RPP30: variants seen among roughly 807,000 people sequenced by gnomAD.
The protein encoded by RPP30 is ribonuclease P protein subunit p30.
A neutral mutation model predicts 38.6 loss-of-function variants in RPP30; 36 were observed. That is an observed-to-expected ratio of 0.93 (90% CI 0.71 to 1.23). The LOEUF is 1.23. RPP30 is among the 50% of genes most tolerant of loss of function. The pLI, the probability that RPP30 is intolerant of heterozygous loss-of-function variation, is 0.00. For missense variants in RPP30, 321 were observed against 321.7 expected (o/e 1.00, Z 0.02); for synonymous variants, 126 against 112.7 (o/e 1.12, Z -0.75).
At chr10:90,902,371 CCA>C (rs1347360678), downstream of RPP30, 2 of 369,662 alleles carry the variant, frequency 5.4e-6, no homozygotes, top group African/African-American at 4.4e-5. Context: ...GCATGCACCA[CCA>C]CATCCCAGCT....
At chr10:90,876,494 G>C (rs1206819995) in intron 4 of RPP30, among the ~76,000 whole-genome samples, 1 of 152,176 alleles carries the variant, frequency 6.6e-6, no homozygotes, top group Non-Finnish European at 1.5e-5. Flanking sequence ...TAGGGAAGTG[G>C]TAAATAAAGG....
chr10:90,885,766 G>T, intron 5 of RPP30, 46 bp from the exon 6 acceptor site: 1 of 1,230,258 alleles, frequency 8.1e-7, no homozygotes. Flanking sequence ...ATTCTTACTT[G>T]TGCCAATTTT....
chr10:90,874,241 T>C (rs1238064028), intron 1 of RPP30, among the ~76,000 whole-genome samples: 1 of 152,204 alleles, frequency 6.6e-6, no homozygotes, highest in East Asian at 1.9e-4. Flanking sequence ...AGAACAGTGC[T>C]AACTGATGAG....
intron 1 of RPP30, 133 bp downstream of exon 1, chr10:90,872,201 G>C (rs1846787219): frequency 2.7e-6 from 2 of 749,738 alleles, no homozygotes; most frequent in Non-Finnish European, 4.7e-6. Flanking sequence ...GGAGGCTGAT[G>C]CCCGCCGAGG....
At chr10:90,902,992 T>C (rs979721870), downstream of RPP30, among the ~76,000 whole-genome samples, 1 of 152,194 alleles carries the variant, frequency 6.6e-6, no homozygotes, top group Non-Finnish European at 1.5e-5. Flanking sequence ...TTTTTAAATA[T>C]GAAAATTGAT....
chr10:90,894,786 A>G lies in RPP30; in HGVS notation c.444A>G (p.Arg148=). The G allele has an allele frequency of 6.2e-7, 1 of 1,612,608 alleles. No individual in the cohort carries two copies. Among genetic ancestry groups the G allele is most frequent in the African/African-American group, 1.3e-5 (1 of 74,954 alleles). Reference sequence around the variant, plus strand: ...TATTTCCTGTGAAGGCGATTGACCGAGGCCTGGCTTTTGAACTTGTCTATA... The same window carrying G: ...TATTTCCTGTGAAGGCGATTGACCGGGGCCTGGCTTTTGAACTTGTCTATA... ...KRPPINVAID[R]GLAFELVYSP... The change falls in exon 7 of 11, where the codon CGA becomes CGG. Residue 148 remains arginine (R), a synonymous_variant. Coordinates refer to ENST00000371703, the MANE Select transcript of RPP30 (RefSeq NM_006413.5).
At chr10:90,903,218 TTGATCTCTCATCAGA>T (rs1847222100), downstream of RPP30, 2 of 1,607,102 alleles carry the variant, frequency 1.2e-6, no homozygotes, top group Non-Finnish European at 1.7e-6. Context: ...AAGACAACTT[TTGATCTCTCATCAGA>T]GAGATCATAC....
chr10:90,904,923 C>G (rs1290491242), downstream of RPP30, among the ~76,000 whole-genome samples: 1 of 152,086 alleles, frequency 6.6e-6, no homozygotes. Flanking sequence ...CTATCTCACA[C>G]CCAATACACA....
intron 10 of RPP30, among the ~76,000 whole-genome samples, chr10:90,900,365 T>C (rs1847186158): frequency 6.6e-6 from 1 of 152,242 alleles, no homozygotes; most frequent in African/African-American, 2.4e-5. Flanking sequence ...AGGTAATCTT[T>C]AGGAATGAAT....
At chr10:90,905,168 G>C (rs1039634015), downstream of RPP30, 13 of 152,172 alleles carry the variant, frequency 8.5e-5, no homozygotes, top group African/African-American at 3.1e-4. Flanking sequence ...TAGCTTTTAA[G>C]AATTTTTTTT....
chr10:90,885,544 C>A (rs564971162), intron 5 of RPP30, among the ~76,000 whole-genome samples: 4 of 152,310 alleles, frequency 2.6e-5, no homozygotes, highest in African/African-American at 9.6e-5. Context: ...ATGTAGAAGA[C>A]CATATGAGTT....
downstream of RPP30, among the ~76,000 whole-genome samples, chr10:90,904,764 A>G (rs1223725841): frequency 1.3e-5 from 2 of 152,214 alleles, no homozygotes; most frequent in African/African-American, 4.8e-5. Context: ...CTGAGCTGAG[A>G]TCGCACCACT....
intron 4 of RPP30, among the ~76,000 whole-genome samples, 182 bp downstream of exon 4, chr10:90,876,280 A>G (rs888692675): frequency 2.6e-5 from 4 of 152,108 alleles, no homozygotes; most frequent in African/African-American, 9.7e-5. Flanking sequence ...CCACTTACTC[A>G]TGGCACATGT....
downstream of RPP30, chr10:90,903,103 A>G (rs4568910): frequency 0.4 from 289,547 of 732,276 alleles, 64,779 homozygotes; most frequent in African/African-American, 0.83. Context: ...CAAATTAGAT[A>G]TGAGAAGGAT....
chr10:90,903,282 T>C (rs759549729), downstream of RPP30: 1 of 1,574,950 alleles, frequency 6.3e-7, no homozygotes, highest in South Asian at 1.1e-5. Flanking sequence ...AAAAGGTTGG[T>C]ACCCAAGTAT....
Position 90,894,795 on chromosome 10 carries a change from T to G in RPP30, c.453T>G (p.Ala151=). 1 of 1,613,204 alleles carries G rather than the reference T, an allele frequency of 6.2e-7. No individual in the cohort carries two copies. The highest frequency in any genetic ancestry group is 1.3e-5 in the African/African-American group (1 of 74,998). The change falls in exon 7 of 11, where the codon GCT becomes GCG. Residue 151 remains alanine (A), a synonymous_variant. Coordinates refer to ENST00000371703, the MANE Select transcript of RPP30 (RefSeq NM_006413.5). ...PINVAIDRGL[A]FELVYSPAIK... ...TGAAGGCGATTGACCGAGGCCTGGCTTTTGAACTTGTCTATAGCCCTGCTA... is the reference window on the plus strand; with the variant it reads ...TGAAGGCGATTGACCGAGGCCTGGCGTTTGAACTTGTCTATAGCCCTGCTA...
chr10:90,883,839 C>T (rs1271212311), intron 5 of RPP30, among the ~76,000 whole-genome samples: 1 of 152,144 alleles, frequency 6.6e-6, no homozygotes, highest in African/African-American at 2.4e-5. Context: ...AAAAGTATGC[C>T]TTACTTCCAC....
rs760771865 is a variant in RPP30, at chr10:90,879,060, TAG to T, written c.273_274del. Reference sequence around the variant, plus strand: ...TATGATAACATTCTTTTTGTATTCCTAGAGAGCAACTTCTTCAAGGGCCCGGC... The same window carrying T: ...TATGATAACATTCTTTTTGTATTCCTAGAGCAACTTCTTCAAGGGCCCGGC... On this transcript the variant is annotated splice_acceptor_variant, in intron 4 of 10. Coordinates refer to ENST00000371703, the MANE Select transcript of RPP30 (RefSeq NM_006413.5). LOFTEE classifies it high-confidence loss of function. 1.9e-6 allele frequency: 3 copies of T among 1,613,070 alleles called. No individual in the cohort carries two copies. In the African/African-American group the frequency reaches 4.0e-5, roughly 22 times the overall value.
In RPP30 at chr10:90,901,248, A is replaced by G. The variant is rs75758748; in HGVS notation, c.*569A>G. ...GCCATCCTCCCGCTTTGGCCTCCTA[A>G]AGTGCTGGGATTACATGAGCCACCA... On this transcript the variant is annotated 3_prime_UTR_variant, in exon 11 of 11. Transcript: ENST00000371703. 79,984 of 966,720 alleles carry G rather than the reference A, an allele frequency of 0.083. 3,626 individuals are homozygous for G. Among genetic ancestry groups the G allele is most frequent in the Non-Finnish European group, 0.091 (73,740 of 813,268 alleles). The allele number at this position is 966,720 out of a possible 1,614,324, so 59.9% of individuals were successfully genotyped here.
Sources: gnomAD v4.1 joint callset for allele counts (sites outside exome capture counted in the v4.1 genomes callset) on GRCh38, gnomAD v4.1.1 for gene constraint, MANE v1.5 for transcripts, NCBI Gene and HGNC (gene_info 2026-07-23, HGNC 2026-07-21) for gene names.